ROR1: variants seen among roughly 807,000 people sequenced by gnomAD.
ROR1 encodes the protein inactive tyrosine-protein kinase transmembrane receptor ROR1.
Under a neutral mutation model 78.8 loss-of-function variants are expected in ROR1, and 19 were observed. The observed-to-expected ratio is 0.24, with a 90% CI of 0.17 to 0.35. The LOEUF is 0.35. Among genes scored for constraint, ROR1 ranks in the 10% least tolerant of loss-of-function variants. ROR1 has a pLI of 1.00. For synonymous variants in ROR1, 386 were observed against 433.6 expected, an observed-to-expected ratio of 0.89 and a Z score of 1.36; for missense variants, 917 against 1,177.8, an observed-to-expected ratio of 0.78 and a Z score of 3.24.
At chr1:63,852,074 G>A (rs991024626) in intron 1 of ROR1, among the ~76,000 whole-genome samples, 1 of 152,258 alleles carries the variant, frequency 6.6e-6, no homozygotes, top group Non-Finnish European at 1.5e-5. Context: ...ATCCTTCAGA[G>A]TTGAAGTAAT....
At chr1:64,072,084 C>G (rs1647008767) in intron 4 of ROR1, among the ~76,000 whole-genome samples, 1 of 152,218 alleles carries the variant, frequency 6.6e-6, no homozygotes. Context: ...ACGGAAAACA[C>G]CAGTGCTTCT....
At chr1:63,986,589 A>G (rs1646253923) in intron 1 of ROR1, among the ~76,000 whole-genome samples, 1 of 152,170 alleles carries the variant, frequency 6.6e-6, no homozygotes, top group Non-Finnish European at 1.5e-5. Context: ...CTAACCCAGG[A>G]GTTCTTAGAA....
intron 3 of ROR1, among the ~76,000 whole-genome samples, 184 bp from the exon 4 acceptor site, chr1:64,050,502 C>G (rs922652123): frequency 8.1e-5 from 12 of 148,916 alleles, no homozygotes; most frequent in Non-Finnish European, 1.2e-4. Context: ...CACGTTCTCA[C>G]TGGTATTTTT....
At chr1:63,778,913 T>C (rs984032922) in intron 1 of ROR1, among the ~76,000 whole-genome samples, 2 of 152,230 alleles carry the variant, frequency 1.3e-5, no homozygotes, top group Non-Finnish European at 2.9e-5. Flanking sequence ...ATTCTTACAA[T>C]TTATATTCTT....
chr1:64,131,955 T>C (rs112380743), intron 4 of ROR1, among the ~76,000 whole-genome samples: 4 of 152,128 alleles, frequency 2.6e-5, no homozygotes, highest in South Asian at 2.1e-4. Flanking sequence ...AAGTCAATAG[T>C]AGTTAGTATA....
chr1:63,912,188 C>G (rs1645576273), intron 1 of ROR1, among the ~76,000 whole-genome samples: 1 of 150,926 alleles, frequency 6.6e-6, no homozygotes, highest in Non-Finnish European at 1.5e-5. Flanking sequence ...GTTCCAGCAA[C>G]TCTGGAGGCT....
intron 1 of ROR1, among the ~76,000 whole-genome samples, chr1:63,869,799 A>G (rs1208188498): frequency 6.6e-6 from 1 of 152,224 alleles, no homozygotes; most frequent in Non-Finnish European, 1.5e-5. Context: ...TTTGTGCCTG[A>G]TGGCACAGAG....
intron 4 of ROR1, among the ~76,000 whole-genome samples, chr1:64,128,769 T>G (rs1648808379): frequency 6.6e-6 from 1 of 152,080 alleles, no homozygotes; most frequent in Non-Finnish European, 1.5e-5. Context: ...CTGATGAGAC[T>G]AAATATTAAC....
At chr1:64,008,156 A>G (rs941996138) in intron 1 of ROR1, among the ~76,000 whole-genome samples, 1 of 151,910 alleles carries the variant, frequency 6.6e-6, no homozygotes, top group African/African-American at 2.4e-5. Flanking sequence ...TCCAGTGTCT[A>G]TTGCTCCTAT....
chr1:63,855,447 A>C (rs1282621817), intron 1 of ROR1, among the ~76,000 whole-genome samples: 2 of 152,208 alleles, frequency 1.3e-5, no homozygotes, highest in Non-Finnish European at 2.9e-5. Context: ...ATATTAGGCC[A>C]GTTGAAGTTG....
chr1:63,988,732 A>G (rs1646270754), intron 1 of ROR1, among the ~76,000 whole-genome samples: 2 of 152,218 alleles, frequency 1.3e-5, no homozygotes, highest in East Asian at 1.9e-4. Flanking sequence ...AAGTGGAATC[A>G]TATAGTATTT....
At chr1:63,816,305 C>T (rs749965987) in intron 1 of ROR1, among the ~76,000 whole-genome samples, 4 of 152,154 alleles carry the variant, frequency 2.6e-5, no homozygotes, top group Non-Finnish European at 5.9e-5. Context: ...ATAACTCCCA[C>T]GTGTTGTGGG....
chr1:64,176,943 A>C (rs1439688975), intron 8 of ROR1, among the ~76,000 whole-genome samples: 1 of 152,260 alleles, frequency 6.6e-6, no homozygotes, highest in Non-Finnish European at 1.5e-5. Context: ...CACACAGAGA[A>C]GTAGCAAGGG....
At chr1:63,782,110 T>G (rs1644654920) in intron 1 of ROR1, among the ~76,000 whole-genome samples, 1 of 152,226 alleles carries the variant, frequency 6.6e-6, no homozygotes, top group African/African-American at 2.4e-5. Context: ...CCAAATATTC[T>G]GATAGTCTCA....
intron 1 of ROR1, among the ~76,000 whole-genome samples, chr1:63,812,989 G>A (rs1346525881): frequency 6.6e-6 from 1 of 151,780 alleles, no homozygotes; most frequent in Non-Finnish European, 1.5e-5. Context: ...GCTGTTAGGT[G>A]CTTCCCACCA....
Position 64,178,465 on chromosome 1 carries a change from G to A in ROR1, c.2424G>A (p.Pro808=), listed in dbSNP as rs201485634. 101 of 1,614,118 alleles carry A rather than the reference G, an allele frequency of 6.3e-5. No individual in the cohort carries two copies. Among genetic ancestry groups the A allele is most frequent in the Middle Eastern group, 1.6e-4 (1 of 6,062 alleles). ...GCCAGATTGCTGGTTTCATTGGCCC[G>A]CCAATACCTCAGAACCAGCGATTCA... ...PQGQIAGFIG[P]PIPQNQRFIP... The change falls in exon 9 of 9, where the codon CCG becomes CCA. Residue 808 remains proline (P), a synonymous_variant. Transcript: ENST00000371079. This position sits in a 1 kb window ranked among gnomAD's most constrained non-coding sequence, Gnocchi z 4.3.
intron 8 of ROR1, among the ~76,000 whole-genome samples, chr1:64,163,476 C>T (rs910217604): frequency 2.0e-5 from 3 of 152,048 alleles, no homozygotes; most frequent in African/African-American, 7.2e-5. Flanking sequence ...TCAAGGCAGG[C>T]CAGGGGTGTG....
At chr1:64,014,490 C>T (rs2100548582) in intron 2 of ROR1, among the ~76,000 whole-genome samples, 1 of 151,050 alleles carries the variant, frequency 6.6e-6, no homozygotes, top group Admixed American at 6.6e-5. Flanking sequence ...CTCAGCTTCC[C>T]CATAAGAGTG....
intron 1 of ROR1, among the ~76,000 whole-genome samples, chr1:63,790,088 A>T (rs766676051): frequency 1.3e-5 from 2 of 152,172 alleles, no homozygotes; most frequent in Non-Finnish European, 2.9e-5. Flanking sequence ...TTCCACTCAC[A>T]TGCTCTCCTA....
Sources: allele counts gnomAD v4.1 joint callset (sites outside exome capture counted in the v4.1 genomes callset), GRCh38; gene constraint gnomAD v4.1.1; non-coding constraint Gnocchi (gnomAD v3.1); transcripts MANE v1.5; gene names NCBI Gene and HGNC (gene_info 2026-07-23, HGNC 2026-07-21).